LAPTM4B: variants seen among roughly 807,000 people sequenced by gnomAD.
LAPTM4B encodes lysosomal-associated transmembrane protein 4B.
A neutral mutation model predicts 28.5 loss-of-function variants in LAPTM4B; 26 were observed. The observed-to-expected ratio is 0.91, with a 90% CI of 0.67 to 1.27. LAPTM4B has a LOEUF of 1.27. Ranked by LOEUF, LAPTM4B falls within the 50% of genes most tolerant of loss-of-function variation. LAPTM4B has a pLI of 0.00. For missense variants in LAPTM4B, 288 were observed against 285.8 expected (o/e 1.01, Z -0.06); for synonymous variants, 109 against 106.4 (o/e 1.02, Z -0.15).
intron 6 of LAPTM4B, among the ~76,000 whole-genome samples, chr8:97,848,702 CTAAAGA>C (rs1817468390): frequency 1.3e-5 from 2 of 152,278 alleles, no homozygotes; most frequent in African/African-American, 4.8e-5. Context: ...GATAATTTAT[CTAAAGA>C]TAAGTATATG....
At chr8:97,786,874 T>C (rs1049935813) in intron 1 of LAPTM4B, among the ~76,000 whole-genome samples, 3 of 152,112 alleles carry the variant, frequency 2.0e-5, no homozygotes, top group Non-Finnish European at 2.9e-5. Flanking sequence ...CCAGTTATGC[T>C]ATAGATAAAG....
At chr8:97,806,153 A>G (rs1415598553) in intron 2 of LAPTM4B, among the ~76,000 whole-genome samples, 1 of 152,192 alleles carries the variant, frequency 6.6e-6, no homozygotes, top group African/African-American at 2.4e-5. Flanking sequence ...CTCAACATGC[A>G]GTTTTAGAGA....
chr8:97,807,375 A>C (rs1330423290), intron 2 of LAPTM4B, among the ~76,000 whole-genome samples: 1 of 152,192 alleles, frequency 6.6e-6, no homozygotes, highest in Non-Finnish European at 1.5e-5. Flanking sequence ...GTTCAAGACC[A>C]GCCTGGTCAA....
chr8:97,782,315 A>T (rs2513944), intron 1 of LAPTM4B, among the ~76,000 whole-genome samples: 1 of 109,822 alleles, frequency 9.1e-6, no homozygotes. Context: ...TTGTGACAAG[A>T]TCTCACTCTA....
intron 1 of LAPTM4B, among the ~76,000 whole-genome samples, chr8:97,800,335 A>G (rs2449556): frequency 0.36 from 55,141 of 151,932 alleles, 12,130 homozygotes; most frequent in Middle Eastern, 0.5. Flanking sequence ...AGCTTTTAAC[A>G]TGGTTCTTGT....
intron 5 of LAPTM4B, among the ~76,000 whole-genome samples, chr8:97,823,093 G>A (rs1026782719): frequency 6.6e-6 from 1 of 151,954 alleles, no homozygotes; most frequent in African/African-American, 2.4e-5. Flanking sequence ...CGCCCACCTC[G>A]GCCTCCTAAA....
At position 97,775,920 on chromosome 8, in the gene LAPTM4B, A is replaced by G. The variant is rs1342101761; in HGVS notation, c.-90A>G. 1.6e-6 allele frequency: 2 copies of G among 1,222,316 alleles called. No individual in the cohort carries two copies. Among genetic ancestry groups the G allele is most frequent in the Non-Finnish European group, 2.2e-6 (2 of 913,874 alleles). 75.7% of individuals were successfully genotyped at this position (1,222,316 alleles called of 1,614,324 possible). A position where few individuals can be genotyped will look rare whatever the true frequency, so the allele number is the denominator to read the frequency against. ...GGGCCGGGAGCCGGAGCGGCGGAGG[A>G]GCCGGCAGCAGCGGCGCGGCGGGCT... is the stretch of plus-strand genomic sequence containing the variant. On this transcript the variant is annotated 5_prime_UTR_variant, in exon 1 of 7. Transcript: ENST00000521545.
intron 6 of LAPTM4B, among the ~76,000 whole-genome samples, chr8:97,833,894 A>G (rs972189699): frequency 2.0e-5 from 3 of 152,084 alleles, no homozygotes; most frequent in African/African-American, 4.8e-5. Context: ...TCCCTCATGT[A>G]CTATTTGGCT....
At chr8:97,846,020 A>G (rs1226262223) in intron 6 of LAPTM4B, among the ~76,000 whole-genome samples, 1 of 149,340 alleles carries the variant, frequency 6.7e-6, no homozygotes, top group Non-Finnish European at 1.5e-5. Context: ...TCCTAAGGCT[A>G]ATTTTTGTAT....
At chr8:97,797,807 C>T (rs915566287) in intron 1 of LAPTM4B, among the ~76,000 whole-genome samples, 1 of 152,124 alleles carries the variant, frequency 6.6e-6, no homozygotes, top group Non-Finnish European at 1.5e-5. Flanking sequence ...GTGAAAAGGA[C>T]TTTGAATTCC....
At chr8:97,823,760 C>A (rs1385863305) in intron 5 of LAPTM4B, among the ~76,000 whole-genome samples, 3 of 149,706 alleles carry the variant, frequency 2.0e-5, no homozygotes, top group Non-Finnish European at 3.0e-5. Flanking sequence ...TGCAGTGGCA[C>A]GATCTTGGCT....
intron 1 of LAPTM4B, among the ~76,000 whole-genome samples, chr8:97,790,849 C>T (rs1270188789): frequency 3.3e-5 from 5 of 152,208 alleles, no homozygotes; most frequent in Non-Finnish European, 7.3e-5. Context: ...AAGCAGTTCT[C>T]GTGTCTCAAC....
Position 97,828,983 on chromosome 8 carries a change from T to C in LAPTM4B, c.603+3830T>C, listed in dbSNP as rs376131549. Among the ~76,000 whole-genome samples the C allele has an allele frequency of 1.4e-4, 21 of 152,202 alleles. No individual in the cohort carries two copies. In the South Asian group the frequency reaches 4.4e-3, roughly 32 times the overall value. ...GGAAGATTTAAAGTGCAGGTGCCTG[T>C]CCGGTTAGCAGGGAGGCACATGTAG... On this transcript the variant is annotated intron_variant, in intron 6 of 6. Coordinates refer to ENST00000521545, the MANE Select transcript of LAPTM4B (RefSeq NM_018407.6).
chr8:97,792,625 G>A (rs1816519147), intron 1 of LAPTM4B, among the ~76,000 whole-genome samples: 1 of 151,802 alleles, frequency 6.6e-6, no homozygotes, highest in East Asian at 1.9e-4. Context: ...TGTAGCGCAG[G>A]CTGCATTGCA....
At chr8:97,786,408 TA>T (rs34540509) in intron 1 of LAPTM4B, among the ~76,000 whole-genome samples, 2 of 147,880 alleles carry the variant, frequency 1.4e-5, no homozygotes, top group South Asian at 2.1e-4. Context: ...ACATTGAACT[TA>T]AAAAAAAAAC....
At chr8:97,781,090 A>G (rs1485595020) in intron 1 of LAPTM4B, among the ~76,000 whole-genome samples, 1 of 151,714 alleles carries the variant, frequency 6.6e-6, no homozygotes, top group Non-Finnish European at 1.5e-5. Flanking sequence ...CCTGGGTTCA[A>G]GCGATTCTCC....
chr8:97,778,984 AC>A (rs1251890091), intron 1 of LAPTM4B, among the ~76,000 whole-genome samples: 1 of 152,076 alleles, frequency 6.6e-6, no homozygotes, highest in Non-Finnish European at 1.5e-5. Flanking sequence ...AAAACGAGGC[AC>A]CTTCCCTGGT....
chr8:97,790,315 A>AT (rs762190127), intron 1 of LAPTM4B, among the ~76,000 whole-genome samples: 596 of 140,246 alleles, frequency 4.2e-3, no homozygotes, highest in African/African-American at 9.2e-3. Context: ...TGGTTGTATA[A>AT]TTTTTTTTTT....
chr8:97,808,891 G>T (rs1816790503), intron 2 of LAPTM4B, among the ~76,000 whole-genome samples: 1 of 152,030 alleles, frequency 6.6e-6, no homozygotes. Flanking sequence ...AACCCGGGAG[G>T]CAGAGGCTGC....
Sources: allele counts gnomAD v4.1 joint callset (sites outside exome capture counted in the v4.1 genomes callset), GRCh38; gene constraint gnomAD v4.1.1; transcripts MANE v1.5; gene names NCBI Gene and HGNC (gene_info 2026-07-23, HGNC 2026-07-21).